CDK6: variants seen among roughly 807,000 people sequenced by gnomAD.
The protein encoded by CDK6 is cyclin dependent kinase 6.
A neutral mutation model predicts 37.1 loss-of-function variants in CDK6; 6 were observed. The observed-to-expected ratio is 0.16, with a 90% CI of 0.09 to 0.32. The LOEUF is 0.32. Ranked by LOEUF, CDK6 falls within the 10% of genes least tolerant of loss-of-function variation. The pLI is 1.00. For missense variants in CDK6, 224 were observed against 418.9 expected, an observed-to-expected ratio of 0.53 and a Z score of 4.06; for synonymous variants, 160 against 161.3, an observed-to-expected ratio of 0.99 and a Z score of 0.06.
chr7:92,664,197 GA>G (rs369501078), intron 5 of CDK6, among the ~76,000 whole-genome samples: 4 of 145,580 alleles, frequency 2.7e-5, no homozygotes, highest in Non-Finnish European at 4.6e-5. Context: ...TTTAAAGGAA[GA>G]AAAAAAAAAC....
At chr7:92,620,915 A>G (rs2116490658) in intron 6 of CDK6, among the ~76,000 whole-genome samples, 1 of 152,296 alleles carries the variant, frequency 6.6e-6, no homozygotes, top group South Asian at 2.1e-4. Context: ...CTCCAAAGAA[A>G]AAAATAAAAA....
intron 3 of CDK6, among the ~76,000 whole-genome samples, chr7:92,734,656 C>T (rs187483698): frequency 6.0e-4 from 92 of 152,250 alleles, no homozygotes; most frequent in African/African-American, 2.2e-3. Context: ...AGGCCATTAG[C>T]TTAAAAAGAA....
chr7:92,610,860 C>A lies in CDK6; in HGVS notation c.*4280G>T, dbSNP rs1439688537. ...GTATTGGTGGCATAGGAAACACATG[C>A]CTTTTAAAAATTTATTTTTTCAATG... On this transcript the variant is annotated 3_prime_UTR_variant, in exon 8 of 8. Coordinates refer to ENST00000424848, the MANE Select transcript of CDK6 (RefSeq NM_001145306.2). 1.8e-5 allele frequency: 4 copies of A among 227,972 alleles called. No homozygotes were observed. The highest frequency in any genetic ancestry group is 3.5e-5 in the Non-Finnish European group (4 of 114,944). 14.1% of individuals were successfully genotyped at this position (227,972 alleles called of 1,614,324 possible). A position where few individuals can be genotyped will look rare whatever the true frequency, so the allele number is the denominator to read the frequency against.
rs770826607 is a variant in CDK6, at chr7:92,671,437, C to T, written c.636G>A (p.Met212Ile). 2 of 1,557,824 alleles carry T rather than the reference C, an allele frequency of 1.3e-6. No individual in the cohort carries two copies. Among genetic ancestry groups the T allele is most frequent in the African/African-American group, 1.4e-5 (1 of 71,942 alleles). The change falls in exon 5 of 8, where the codon ATG (methionine) becomes ATA (isoleucine). Residue 212 changes from methionine (M) to isoleucine (I), a missense_variant. Coordinates refer to ENST00000424848, the MANE Select transcript of CDK6 (RefSeq NM_001145306.2). ...LWSVGCIFAE[M>I]FRRKPLFRGS... ...AATGTATTTCTTACTTTCTACGAAA[C>T]ATTTCTGCAAATATGCAGCCAACAC...
At chr7:92,820,822 A>G (rs1229235073) in intron 2 of CDK6, among the ~76,000 whole-genome samples, 1 of 152,140 alleles carries the variant, frequency 6.6e-6, no homozygotes, top group East Asian at 1.9e-4. Context: ...CATAAACAGA[A>G]GCACCAAAAA....
Position 92,614,201 on chromosome 7 carries a change from T to TAAC in CDK6, c.*936_*938dup, listed in dbSNP as rs766090714. On this transcript the variant is annotated 3_prime_UTR_variant, in exon 8 of 8. Coordinates refer to ENST00000424848, the MANE Select transcript of CDK6 (RefSeq NM_001145306.2). ...ACAAAATAACAACAACAAACAACAA[T>TAAC]AACAACAACAAAAAAAGGGAAGAAA... is the stretch of plus-strand genomic sequence containing the variant. 8.2e-5 allele frequency: 19 copies of TAAC among 231,926 alleles called. No homozygotes were observed. The highest frequency in any genetic ancestry group is 1.2e-4 in the Non-Finnish European group (14 of 117,616). 14.4% of individuals were successfully genotyped at this position (231,926 alleles called of 1,614,324 possible).
intron 3 of CDK6, among the ~76,000 whole-genome samples, chr7:92,768,904 C>G (rs538123956): frequency 6.6e-6 from 1 of 152,194 alleles, no homozygotes; most frequent in South Asian, 2.1e-4. Context: ...CTGAGAGGGG[C>G]CATGGCTTGA....
intron 4 of CDK6, among the ~76,000 whole-genome samples, chr7:92,680,944 C>A (rs1447631822): frequency 6.6e-6 from 1 of 152,154 alleles, no homozygotes; most frequent in Non-Finnish European, 1.5e-5. Context: ...TTCTATCTTG[C>A]ATTATAGCTT....
At chr7:92,639,800 C>T (rs1707951921) in intron 5 of CDK6, among the ~76,000 whole-genome samples, 1 of 152,220 alleles carries the variant, frequency 6.6e-6, no homozygotes, top group South Asian at 2.1e-4. Flanking sequence ...TAGCCTGGCA[C>T]TTACTTTAAC....
intron 3 of CDK6, among the ~76,000 whole-genome samples, chr7:92,746,910 T>C (rs1799074130): frequency 6.6e-6 from 1 of 152,178 alleles, no homozygotes; most frequent in African/African-American, 2.4e-5. Context: ...TTTAATAACC[T>C]AAAATCAGTA....
At chr7:92,617,878 G>T (rs1408928702) in intron 7 of CDK6, among the ~76,000 whole-genome samples, 194 bp downstream of exon 7, 1 of 152,198 alleles carries the variant, frequency 6.6e-6, no homozygotes, top group Admixed American at 6.5e-5. Flanking sequence ...AGACATTCCA[G>T]AATCAAAAGC....
chr7:92,795,663 A>G (rs942457873), intron 2 of CDK6, among the ~76,000 whole-genome samples: 1 of 152,154 alleles, frequency 6.6e-6, no homozygotes, highest in Admixed American at 6.6e-5. Flanking sequence ...GTGCCACAGC[A>G]CACATTCAGT....
intron 4 of CDK6, among the ~76,000 whole-genome samples, chr7:92,681,117 C>T (rs149737943): frequency 3.9e-5 from 6 of 152,146 alleles, no homozygotes; most frequent in Non-Finnish European, 7.3e-5. Context: ...ACAATACTGT[C>T]CCATAATAAC....
intron 5 of CDK6, among the ~76,000 whole-genome samples, chr7:92,667,144 A>G (rs191611402): frequency 7.2e-5 from 11 of 152,306 alleles, no homozygotes; most frequent in African/African-American, 2.6e-4. Flanking sequence ...TTAAAAATAA[A>G]AAAGCTTATA....
At chr7:92,714,672 G>A (rs934946884) in intron 4 of CDK6, among the ~76,000 whole-genome samples, 11 of 152,056 alleles carry the variant, frequency 7.2e-5, no homozygotes, top group African/African-American at 2.4e-4. Flanking sequence ...TGCAAAAATG[G>A]GATTTTATAG....
At chr7:92,648,831 T>A (rs1446905636) in intron 5 of CDK6, among the ~76,000 whole-genome samples, 1 of 152,218 alleles carries the variant, frequency 6.6e-6, no homozygotes, top group Non-Finnish European at 1.5e-5. Context: ...CTGCTTTATC[T>A]AGTTTTAGTT....
At chr7:92,733,872 A>G (rs1432286661) in intron 3 of CDK6, among the ~76,000 whole-genome samples, 1 of 152,030 alleles carries the variant, frequency 6.6e-6, no homozygotes, top group African/African-American at 2.4e-5. Flanking sequence ...AAAAATATGT[A>G]TTTATTTATT....
At chr7:92,698,881 A>T (rs1260047804) in intron 4 of CDK6, among the ~76,000 whole-genome samples, 1 of 152,236 alleles carries the variant, frequency 6.6e-6, no homozygotes, top group East Asian at 1.9e-4. Flanking sequence ...TCATGTAATT[A>T]ATTTATTTTT....
chr7:92,672,242 C>CACACACACACACACACACAT lies in CDK6; in HGVS notation c.538-708_538-707insATGTGTGTGTGTGTGTGTGT, dbSNP rs1374477819. On this transcript the variant is annotated intron_variant, in intron 4 of 7. Transcript: ENST00000424848. ...ACACACACACACACACACACACACA[C>CACACACACACACACACACAT]ATATATGAAGATGGTGCCAGGGCTG... Among the ~76,000 whole-genome samples the CACACACACACACACACACAT allele has an allele frequency of 6.8e-4, 79 of 116,524 alleles. 2 individuals carry two copies. The highest frequency in any genetic ancestry group is 2.5e-3 in the African/African-American group (59 of 23,146). 76.4% of individuals were successfully genotyped at this position (116,524 alleles called of 152,430 possible).
Sources: gnomAD v4.1 joint callset for allele counts (sites outside exome capture counted in the v4.1 genomes callset) on GRCh38, gnomAD v4.1.1 for gene constraint, MANE v1.5 for transcripts, NCBI Gene and HGNC (gene_info 2026-07-23, HGNC 2026-07-21) for gene names.